Variants in UBE3D observed in about 807,000 individuals in gnomAD.
UBE3D encodes the protein E3 ubiquitin-protein ligase E3D.
In UBE3D, 48 loss-of-function variants were observed where a neutral mutation model predicts 49.6. The observed-to-expected ratio is 0.97, with a 90% CI of 0.77 to 1.23. The LOEUF (loss-of-function observed/expected upper bound fraction) is 1.23, where lower values mean the gene tolerates loss of function less well. Ranked by LOEUF, UBE3D falls within the 50% of genes most tolerant of loss-of-function variation. UBE3D has a pLI of 0.00. For missense variants in UBE3D, 452 were observed against 468.4 expected (o/e 0.96, Z 0.32); for synonymous variants, 189 against 174.2 (o/e 1.08, Z -0.67).
chr6:83,037,770 T>A (rs1481507552), intron 5 of UBE3D: 1 of 152,232 alleles, frequency 6.6e-6, no homozygotes, highest in African/African-American at 2.4e-5. Flanking sequence ...ATTTTAATTA[T>A]CAGGATTTTC....
the UBE3D span, among the ~76,000 whole-genome samples, chr6:82,882,594 G>A: frequency 1.3e-5 from 2 of 152,160 alleles, no homozygotes; most frequent in Non-Finnish European, 2.9e-5. Context: ...GACTGGAAAA[G>A]ACATTGTTCT....
chr6:82,956,009 G>A (rs1484735681), intron 9 of UBE3D, among the ~76,000 whole-genome samples: 2 of 152,216 alleles, frequency 1.3e-5, no homozygotes, highest in East Asian at 3.9e-4. Flanking sequence ...AAGAGGAAGA[G>A]CATCACGGAG....
At chr6:83,026,387 G>T (rs1781461583) in intron 5 of UBE3D, among the ~76,000 whole-genome samples, 3 of 152,074 alleles carry the variant, frequency 2.0e-5, no homozygotes, top group Admixed American at 2.0e-4. Context: ...GAAGTCTGAG[G>T]CTTCAATGAA....
chr6:82,987,270 ACTTG>A (rs1319723972), intron 8 of UBE3D, among the ~76,000 whole-genome samples: 1 of 152,094 alleles, frequency 6.6e-6, no homozygotes, highest in African/African-American at 2.4e-5. Context: ...CACCTCAGCT[ACTTG>A]AAGTGCTGGG....
chr6:82,941,231 A>C, intron 9 of UBE3D, among the ~76,000 whole-genome samples: 1 of 152,160 alleles, frequency 6.6e-6, no homozygotes, highest in Non-Finnish European at 1.5e-5. Context: ...ATTACTTTAA[A>C]ATGTCAATAC....
chr6:83,063,301 C>T, intron 1 of UBE3D: 1 of 193,266 alleles, frequency 5.2e-6, no homozygotes, highest in Non-Finnish European at 1.1e-5. Context: ...TGTATCCCAG[C>T]TACTCCAGAG....
At chr6:82,883,175 A>G in the UBE3D span, among the ~76,000 whole-genome samples, 1 of 152,222 alleles carries the variant, frequency 6.6e-6, no homozygotes, top group African/African-American at 2.4e-5. Flanking sequence ...TCATCGTTTT[A>G]TTTTTGAAAA....
chr6:83,059,824 A>G (rs1241155530), intron 1 of UBE3D, among the ~76,000 whole-genome samples: 2 of 152,162 alleles, frequency 1.3e-5, no homozygotes, highest in African/African-American at 4.8e-5. Context: ...ATGAGAAACC[A>G]AGCAGGCTGT....
intron 3 of UBE3D, among the ~76,000 whole-genome samples, chr6:83,046,239 T>C (rs1404091264): frequency 6.6e-6 from 1 of 152,210 alleles, no homozygotes; most frequent in African/African-American, 2.4e-5. Flanking sequence ...GCTACTTTTT[T>C]TTTTTAACAA....
intron 8 of UBE3D, among the ~76,000 whole-genome samples, chr6:82,984,359 C>T (rs894706764): frequency 1.3e-5 from 2 of 152,104 alleles, no homozygotes; most frequent in African/African-American, 4.8e-5. Flanking sequence ...AAATAGTGCT[C>T]AAATTAATAG....
chr6:83,018,732 A>C, intron 8 of UBE3D: 1 of 456,910 alleles, frequency 2.2e-6, no homozygotes, highest in Non-Finnish European at 3.8e-6. Context: ...ATATGTACAG[A>C]CAGCTTAGAT....
chr6:82,993,138 G>GAC (rs1355338891), intron 8 of UBE3D, among the ~76,000 whole-genome samples: 1 of 150,984 alleles, frequency 6.6e-6, no homozygotes, highest in African/African-American at 2.5e-5. Flanking sequence ...GAGAGAGAGA[G>GAC]AGACAGAGAG....
intron 9 of UBE3D, among the ~76,000 whole-genome samples, chr6:82,927,665 C>G (rs1169200730): frequency 6.6e-6 from 1 of 151,792 alleles, no homozygotes; most frequent in Non-Finnish European, 1.5e-5. Flanking sequence ...TTTCACTTAT[C>G]CATTGCTGGT....
Position 82,937,711 on chromosome 6 carries a change from G to A in UBE3D, c.1149+19601C>T, listed in dbSNP as rs142096195. On this transcript the variant is annotated intron_variant, in intron 9 of 9. Coordinates refer to ENST00000369747, the MANE Select transcript of UBE3D (RefSeq NM_198920.3). ...AGAGTGAAAAATAAAAGGGGAAGCC[G>A]AAAGTGCAAAAAGTCTAAGGGAGGG... is the stretch of plus-strand genomic sequence containing the variant. 5.8e-3 allele frequency among the ~76,000 whole-genome samples: 887 copies of A among 152,242 alleles called. 12 individuals are homozygous for A. Among genetic ancestry groups the A allele is most frequent in the African/African-American group, 0.02 (835 of 41,544 alleles).
intron 8 of UBE3D, among the ~76,000 whole-genome samples, chr6:82,967,012 T>C (rs1281223634): frequency 6.6e-6 from 1 of 152,218 alleles, no homozygotes; most frequent in African/African-American, 2.4e-5. Flanking sequence ...TTCATTTTTT[T>C]CATTTTATTA....
intron 8 of UBE3D, among the ~76,000 whole-genome samples, chr6:83,003,204 A>G (rs1289548130): frequency 6.6e-6 from 1 of 152,196 alleles, no homozygotes; most frequent in East Asian, 1.9e-4. Flanking sequence ...AACAGAGAAG[A>G]AACAATTTTA....
At chr6:82,882,925 G>A in the UBE3D span, among the ~76,000 whole-genome samples, 1 of 152,142 alleles carries the variant, frequency 6.6e-6, no homozygotes. Flanking sequence ...AGAGAATGCA[G>A]CTTCTACTAA....
At position 83,057,923 on chromosome 6, in the gene UBE3D, T is replaced by C; in HGVS notation, c.177A>G (p.Ala59=). The change falls in exon 2 of 10, where the codon GCA becomes GCG. Residue 59 remains alanine, a synonymous_variant. Coordinates refer to ENST00000369747, the MANE Select transcript of UBE3D (RefSeq NM_198920.3). The part of the protein sequence containing the change: ...PEGCTEIQLP[A]EVRLVPSSCR... ...AAGAGGAAGGTACAAGCCTGACCTC[T>C]GCTGGAAGCTGGATTTCTGTGCAGC... The C allele has an allele frequency of 6.2e-7, 1 of 1,614,232 alleles. No homozygotes were observed. The highest frequency in any genetic ancestry group is 8.5e-7 in the Non-Finnish European group (1 of 1,180,040).
At chr6:82,991,893 A>C (rs993700354) in intron 8 of UBE3D, among the ~76,000 whole-genome samples, 32 of 152,154 alleles carry the variant, frequency 2.1e-4, no homozygotes, top group African/African-American at 7.0e-4. Context: ...GCTGCCACAC[A>C]TAATCAATAA....
Sources: gnomAD v4.1 joint callset for allele counts (sites outside exome capture counted in the v4.1 genomes callset) on GRCh38, gnomAD v4.1.1 for gene constraint, MANE v1.5 for transcripts, NCBI Gene and HGNC (gene_info 2026-07-23, HGNC 2026-07-21) for gene names.